TNR: variants seen among roughly 807,000 people sequenced by gnomAD.
TNR encodes the protein tenascin R, also known as tenascin-R.
In TNR, 45 loss-of-function variants were observed where a neutral mutation model predicts 150.4. That is an observed-to-expected ratio of 0.30 (90% confidence interval 0.24 to 0.38). The LOEUF (loss-of-function observed/expected upper bound fraction) is 0.38, where lower values mean the gene tolerates loss of function less well. TNR is among the 10% of genes least tolerant of loss of function. The pLI is 1.00. For missense variants in TNR, 1,544 were observed against 1,759.1 expected (o/e 0.88, Z 2.19); for synonymous variants, 687 against 678.4 (o/e 1.01, Z -0.20).
chr1:175,356,287 G>A, intron 16 of TNR, 32 bp downstream of exon 16: 1 of 1,612,410 alleles, frequency 6.2e-7, no homozygotes, highest in Non-Finnish European at 8.5e-7. Flanking sequence ...AAGTCCCCAG[G>A]GATACGGGTA....
At chr1:175,579,201 CTTCCTTCT>C (rs1419185666) in intron 1 of TNR, among the ~76,000 whole-genome samples, 1 of 149,468 alleles carries the variant, frequency 6.7e-6, no homozygotes, top group African/African-American at 2.5e-5. Context: ...TCCTTCCTTC[CTTCCTTCT>C]TTCCTTCCTT....
At chr1:175,685,594 G>A (rs918858025) in intron 1 of TNR, among the ~76,000 whole-genome samples, 1 of 152,104 alleles carries the variant, frequency 6.6e-6, no homozygotes, top group Non-Finnish European at 1.5e-5. Flanking sequence ...GGATAAGAAG[G>A]TGTGTCTTGG....
Position 175,365,314 on chromosome 1 carries a change from C to T in TNR, c.2318-35G>A, listed in dbSNP as rs116467052. On this transcript the variant is annotated intron_variant, in intron 11 of 22. Transcript: ENST00000367674. ...AAAGGAGATGGATGGTCCTGAAACACGTGAGGAGATGGGTCACTGGGCTAG... is the reference window on the plus strand; with the variant it reads ...AAAGGAGATGGATGGTCCTGAAACATGTGAGGAGATGGGTCACTGGGCTAG... The T allele has an allele frequency of 1.1e-3, 1,739 of 1,558,990 alleles. 19 individuals carry two copies. The African/African-American group carries it at 0.02, about 18-fold the overall frequency.
At chr1:175,331,063 T>G (rs557590961) in intron 20 of TNR, among the ~76,000 whole-genome samples, 27 of 127,914 alleles carry the variant, frequency 2.1e-4, no homozygotes, top group African/African-American at 8.6e-4. Flanking sequence ...CTTTCTTTCT[T>G]TCTTTCTTTC....
intron 2 of TNR, among the ~76,000 whole-genome samples, chr1:175,427,425 T>C (rs1014129183): frequency 8.5e-5 from 13 of 152,160 alleles, no homozygotes; most frequent in Non-Finnish European, 5.9e-5. Context: ...ATGAGTGATG[T>C]ATGTTGCTTT....
intron 2 of TNR, among the ~76,000 whole-genome samples, chr1:175,441,023 T>C (rs1171296971): frequency 2.0e-5 from 3 of 152,094 alleles, no homozygotes; most frequent in African/African-American, 7.2e-5. Flanking sequence ...GGTGATAGAA[T>C]TTCTCTTTTG....
chr1:175,554,504 T>C (rs550389051), intron 1 of TNR, among the ~76,000 whole-genome samples: 1 of 152,226 alleles, frequency 6.6e-6, no homozygotes, highest in East Asian at 1.9e-4. Flanking sequence ...AGGGTTCTAT[T>C]TGTTTGGAAA....
chr1:175,603,288 G>A (rs1663307555), intron 1 of TNR, among the ~76,000 whole-genome samples: 1 of 152,206 alleles, frequency 6.6e-6, no homozygotes, highest in South Asian at 2.1e-4. Context: ...AGTGTTTGGT[G>A]TCAAGTTATC....
intron 9 of TNR, among the ~76,000 whole-genome samples, chr1:175,371,493 G>A (rs1652104134): frequency 6.6e-6 from 1 of 152,136 alleles, no homozygotes; most frequent in African/African-American, 2.4e-5. Context: ...AGGAATCTGT[G>A]CTAAAAAAGT....
intron 1 of TNR, among the ~76,000 whole-genome samples, chr1:175,623,940 G>C (rs187635423): frequency 2.6e-5 from 4 of 152,282 alleles, no homozygotes; most frequent in African/African-American, 9.6e-5. Flanking sequence ...ATGCTACCCT[G>C]GTTTTCTGAC....
rs1386066946 is a variant in TNR at position 175,374,320 on chromosome 1, C to T, written c.1963+5232G>A. Among the ~76,000 whole-genome samples the T allele has an allele frequency of 2.0e-5, 3 of 152,306 alleles. No individual in the cohort carries two copies. In the East Asian group the frequency reaches 5.8e-4, roughly 29 times the overall value. ...GCCAGAAACCTTGAAGGCGGCAACT[C>T]CCAAAGCATGATCAGGACGTACTTG... On this transcript the variant is annotated intron_variant, in intron 9 of 22. Transcript: ENST00000367674.
chr1:175,671,412 G>A (rs1665692532), intron 1 of TNR, among the ~76,000 whole-genome samples: 1 of 152,176 alleles, frequency 6.6e-6, no homozygotes. Context: ...CAAGAGTGAG[G>A]GAGTGGGGAC....
intron 9 of TNR, among the ~76,000 whole-genome samples, chr1:175,367,627 C>T (rs181852860): frequency 7.9e-4 from 120 of 152,230 alleles, no homozygotes; most frequent in Non-Finnish European, 1.1e-3. Flanking sequence ...TGGCTTGAAC[C>T]AGCGAGAGGA....
At position 175,379,834 on chromosome 1, in the gene TNR, C is replaced by T. The variant is rs1652591152; in HGVS notation, c.1778-97G>A. On this transcript the variant is annotated intron_variant, in intron 8 of 22. Transcript: ENST00000367674. ...TGAAAAGATTGGTGGTGACAGCCCACACCCCCTGACCCTCTGGCTCACATT... is the reference window on the plus strand; with the variant it reads ...TGAAAAGATTGGTGGTGACAGCCCATACCCCCTGACCCTCTGGCTCACATT... 4 of 1,350,088 alleles carry T rather than the reference C, an allele frequency of 3.0e-6. No homozygotes were observed. In the Admixed American group the frequency reaches 6.1e-5, roughly 21 times the overall value. The allele number at this position is 1,350,088 out of a possible 1,614,324, so 83.6% of individuals were successfully genotyped here.
chr1:175,516,496 A>G (rs1324164462), intron 2 of TNR, among the ~76,000 whole-genome samples: 3 of 152,190 alleles, frequency 2.0e-5, no homozygotes, highest in Non-Finnish European at 4.4e-5. Context: ...GGGACCAAGG[A>G]GAGAGGGAGA....
At chr1:175,655,076 C>T (rs758653369) in intron 1 of TNR, among the ~76,000 whole-genome samples, 10 of 152,190 alleles carry the variant, frequency 6.6e-5, no homozygotes, top group Non-Finnish European at 1.0e-4. Flanking sequence ...GACTCCCATG[C>T]TTCTGTTTTG....
At chr1:175,365,850 G>A (rs771007126) in intron 11 of TNR, 25 bp downstream of exon 11, 7 of 1,604,306 alleles carry the variant, frequency 4.4e-6, no homozygotes, top group Non-Finnish European at 6.0e-6. Flanking sequence ...CCTGAACCTG[G>A]CTGGGATTTC....
chr1:175,717,260 T>A, intron 1 of TNR, among the ~76,000 whole-genome samples: 1 of 152,180 alleles, frequency 6.6e-6, no homozygotes, highest in East Asian at 1.9e-4. Context: ...GCATGATTCT[T>A]ATCTGTTTTA....
intron 1 of TNR, among the ~76,000 whole-genome samples, chr1:175,575,790 T>C (rs1662086249): frequency 6.6e-6 from 1 of 152,036 alleles, no homozygotes; most frequent in Non-Finnish European, 1.5e-5. Flanking sequence ...TAGGAGGCAG[T>C]TGGTAAAAGT....
Sources: gnomAD v4.1 joint callset for allele counts (sites outside exome capture counted in the v4.1 genomes callset) on GRCh38, gnomAD v4.1.1 for gene constraint, MANE v1.5 for transcripts, NCBI Gene and HGNC (gene_info 2026-07-23, HGNC 2026-07-21) for gene names.